Variants in RIGI observed in about 807,000 individuals in gnomAD.
RIGI encodes RNA sensor RIG-I.
At chr9:32,493,647 G>A in the RIGI span, 2 of 672,620 alleles carry the variant, frequency 3.0e-6, no homozygotes, top group South Asian at 5.3e-5. Context: ...ACTATTCTAT[G>A]AGTACTTTTG....
At chr9:32,502,822 A>G in the RIGI span, among the ~76,000 whole-genome samples, 51 of 152,138 alleles carry the variant, frequency 3.4e-4, no homozygotes, top group Non-Finnish European at 5.1e-4. Context: ...ATGTTTTCAC[A>G]CAGCATTCTC....
chr9:32,504,692 T>C, the RIGI span, among the ~76,000 whole-genome samples: 1 of 145,078 alleles, frequency 6.9e-6, no homozygotes, highest in African/African-American at 2.5e-5. Context: ...CAAAAACATA[T>C]ATATATATAT....
chr9:32,470,881 G>A, the RIGI span, among the ~76,000 whole-genome samples: 2 of 152,200 alleles, frequency 1.3e-5, no homozygotes, highest in African/African-American at 4.8e-5. Context: ...TAACCCATTC[G>A]ATAAAAGCTA....
At chr9:32,481,576 A>G in the RIGI span, 3 of 1,063,456 alleles carry the variant, frequency 2.8e-6, no homozygotes, top group Non-Finnish European at 3.9e-6. Flanking sequence ...CTCACCCTCT[A>G]ATTTTCTTTT....
At chr9:32,503,033 A>G in the RIGI span, among the ~76,000 whole-genome samples, 4 of 152,134 alleles carry the variant, frequency 2.6e-5, no homozygotes, top group African/African-American at 9.7e-5. Flanking sequence ...TTCAACTCAT[A>G]ACAGCAACCT....
chr9:32,525,774 A>G, the RIGI span, among the ~76,000 whole-genome samples: 1 of 135,756 alleles, frequency 7.4e-6, no homozygotes, highest in African/African-American at 2.8e-5. Context: ...GTAGACTTTA[A>G]TATTAGTGAA....
At chr9:32,461,355 G>GAAGA in the RIGI span, among the ~76,000 whole-genome samples, 11 of 152,296 alleles carry the variant, frequency 7.2e-5, no homozygotes, top group Admixed American at 7.2e-4. Context: ...CCTCATGAAG[G>GAAGA]AAGAAAGAAC....
At chr9:32,493,588 A>C in the RIGI span, among the ~76,000 whole-genome samples, 1 of 151,632 alleles carries the variant, frequency 6.6e-6, no homozygotes, top group African/African-American at 2.4e-5. Flanking sequence ...ACACCATTGC[A>C]CTCCAGCCTG....
chr9:32,467,615 C>A, the RIGI span: 1 of 639,826 alleles, frequency 1.6e-6, no homozygotes, highest in Non-Finnish European at 2.4e-6. Flanking sequence ...CTGTAGCCAC[C>A]TTAAGGGCCA....
At chr9:32,485,286 A>G in the RIGI span, 4 of 1,531,456 alleles carry the variant, frequency 2.6e-6, no homozygotes. Flanking sequence ...AAAACTAGAG[A>G]CGTCAAAAAA....
chr9:32,483,798 T>C, the RIGI span, among the ~76,000 whole-genome samples: 1 of 151,994 alleles, frequency 6.6e-6, no homozygotes, highest in African/African-American at 2.4e-5. Context: ...CCTTTCAGCA[T>C]TCTACAGGAC....
At chr9:32,502,196 C>T in the RIGI span, among the ~76,000 whole-genome samples, 1 of 152,100 alleles carries the variant, frequency 6.6e-6, no homozygotes, top group Non-Finnish European at 1.5e-5. Flanking sequence ...TTATTCATTC[C>T]TTTTTATTGC....
the RIGI span, among the ~76,000 whole-genome samples, chr9:32,496,753 A>G: frequency 6.6e-6 from 1 of 152,244 alleles, no homozygotes; most frequent in Non-Finnish European, 1.5e-5. Context: ...GGAGAACTCT[A>G]ATACATGGTA....
At chr9:32,513,788 G>C in the RIGI span, among the ~76,000 whole-genome samples, 1 of 152,148 alleles carries the variant, frequency 6.6e-6, no homozygotes, top group African/African-American at 2.4e-5. Context: ...AGAATGAACA[G>C]GCAAACTACA....
the RIGI span, chr9:32,481,237 G>T: frequency 2.6e-6 from 3 of 1,173,564 alleles, no homozygotes; most frequent in Non-Finnish European, 3.6e-6. Flanking sequence ...TCCTAAGTGA[G>T]CTCTTGAGGA....
chr9:32,504,741 A>AAT, the RIGI span, among the ~76,000 whole-genome samples: 2 of 139,918 alleles, frequency 1.4e-5, no homozygotes, highest in African/African-American at 2.7e-5. Flanking sequence ...AAATATATTT[A>AAT]ATACATAAAA....
the RIGI span, chr9:32,457,322 C>G: frequency 1.2e-6 from 2 of 1,614,124 alleles, no homozygotes; most frequent in Admixed American, 3.3e-5. Flanking sequence ...AATATCTTTG[C>G]TCTTTTTTCA....
chr9:32,514,250 A>G, the RIGI span, among the ~76,000 whole-genome samples: 1 of 152,170 alleles, frequency 6.6e-6, no homozygotes, highest in Non-Finnish European at 1.5e-5. Context: ...ATTGTAAATC[A>G]TTCTCCTATA....
At chr9:32,503,361 A>G in the RIGI span, among the ~76,000 whole-genome samples, 1 of 151,954 alleles carries the variant, frequency 6.6e-6, no homozygotes, top group African/African-American at 2.4e-5. Flanking sequence ...AGTAGTGACA[A>G]TTTCCTCAAA....
Sources: gnomAD v4.1 joint callset for allele counts (sites outside exome capture counted in the v4.1 genomes callset) on GRCh38, gnomAD v4.1.1 for gene constraint, MANE v1.5 for transcripts, NCBI Gene and HGNC (gene_info 2026-07-23, HGNC 2026-07-21) for gene names.